The following ASPM variants were observed in gnomAD, a reference collection of about 807,000 sequenced individuals.
ASPM encodes the protein assembly factor for spindle microtubules.
In ASPM, 256 loss-of-function variants were observed where a neutral mutation model predicts 366.4. The ratio of observed to expected loss-of-function variants is 0.70; its 90% CI spans 0.63 to 0.77. ASPM has a LOEUF of 0.77. Among genes scored for constraint, ASPM ranks in the 30% least tolerant of loss-of-function variants. ASPM has a pLI of 0.00. For synonymous variants in ASPM, 1,414 were observed against 1,342.9 expected, an observed-to-expected ratio of 1.05 and a Z score of -1.16; for missense variants, 4,146 against 4,090.4, an observed-to-expected ratio of 1.01 and a Z score of -0.37.
rs761106315 is a variant in ASPM at position 197,103,648 on chromosome 1, C to T, written c.5603G>A (p.Arg1868Lys). ...YRAYKTLHDT[R>K]THFLKTKAAV... ...TGCCTTTGTCTTCAAAAAATGTGTTCTTGTATCATGAAGAGTCTTGTACGC... is the reference window on the plus strand; with the variant it reads ...TGCCTTTGTCTTCAAAAAATGTGTTTTTGTATCATGAAGAGTCTTGTACGC... Residue 1868 changes from arginine (R) to lysine (K), a missense_variant, in exon 18 of 28, where the codon AGA (arginine) becomes AAA (lysine). By Grantham distance (26) the Arg-to-Lys change is conservative (BLOSUM62 2). Around this residue, in one of 3 missense-constraint regions of ASPM, gnomAD observed 3,624 missense variants for 3,591.7 expected, o/e 1.01. Transcript: ENST00000367409. 8.7e-6 allele frequency: 14 copies of T among 1,612,684 alleles called. No individual in the cohort carries two copies. In the East Asian group the frequency reaches 2.5e-4, roughly 28 times the overall value.
rs1049043449 is a variant in ASPM at position 197,084,302 on chromosome 1, A to G, written c.*22T>C. ...GCTTTAATATTTCTTTACACTATAC[A>G]TACTGAAAATGTTTACATTTACTAA... On this transcript the variant is annotated 3_prime_UTR_variant, in exon 28 of 28. Transcript: ENST00000367409. 3.3e-6 allele frequency: 5 copies of G among 1,529,604 alleles called. No homozygotes were observed. The highest frequency in any genetic ancestry group is 2.3e-5 in the East Asian group (1 of 44,324). The allele number at this position is 1,529,604 out of a possible 1,614,324, so 94.8% of individuals were successfully genotyped here.
chr1:197,108,930 C>A (rs964968464), intron 17 of ASPM, among the ~76,000 whole-genome samples: 1 of 145,344 alleles, frequency 6.9e-6, no homozygotes, highest in Non-Finnish European at 1.5e-5. Context: ...GTGTTTGCAC[C>A]ACTGTACTCT....
In ASPM at chr1:197,090,954, G is replaced by C; in HGVS notation, c.9532C>G (p.Leu3178Val). 1.2e-6 allele frequency: 2 copies of C among 1,612,988 alleles called. No individual in the cohort carries two copies. The highest frequency in any genetic ancestry group is 2.2e-5 in the East Asian group (1 of 44,824). The change falls in exon 23 of 28, where the codon CTG (leucine) becomes GTG (valine). Residue 3178 changes from leucine to valine, a missense_variant. This residue lies in a region of ASPM where 3,624 missense variants were observed against 3,591.7 expected (regional missense o/e 1.01). Coordinates refer to ENST00000367409, the MANE Select transcript of ASPM (RefSeq NM_018136.5). ...KKIEHEGQEC[L>V]SQRNRAASVI... is the part of the protein sequence containing the mutation. ...GATGCAGCCCTATTTCGCTGGCTCA[G>C]ACATTCTTGACCTTCATGCTCAATC...
At position 197,142,958 on chromosome 1, in the gene ASPM, T is replaced by G; in HGVS notation, c.1294A>C (p.Ser432Arg). The change falls in exon 3 of 28, where the codon AGT (serine) becomes CGT (arginine). Residue 432 changes from serine (S) to arginine (R), a missense_variant. By Grantham distance (110) the Ser-to-Arg change is moderately radical. Transcript: ENST00000367409. The stretch of plus-strand genomic sequence containing the variant: ...TCAGGAATACGTGGCGAAACTTCAC[T>G]TTTTCTCCAATCTTCAGGAGACTGT... Reference protein sequence around the residue: ...VPQSPEDWRKSEVSPRIPECQ... With the variant: ...VPQSPEDWRKREVSPRIPECQ... 3.7e-6 allele frequency: 6 copies of G among 1,614,002 alleles called. No individual in the cohort carries two copies. Among genetic ancestry groups the G allele is most frequent in the Non-Finnish European group, 5.1e-6 (6 of 1,179,890 alleles).
In ASPM at chr1:197,100,664, C is replaced by A. The variant is rs1374224839; in HGVS notation, c.8587G>T (p.Ala2863Ser). 25 of 1,612,154 alleles carry A rather than the reference C, an allele frequency of 1.6e-5. No homozygotes were observed. The highest frequency in any genetic ancestry group is 2.0e-5 in the Non-Finnish European group (23 of 1,178,980). ...CTAAAATAATGCTGTAAAGTGATAG[C>A]AGCTCTTTTCTGCTGAACAAATCTT... Reference protein sequence around the residue: ...RRRFVQQKRAAITLQHYFRTW... With the variant: ...RRRFVQQKRASITLQHYFRTW... The change falls in exon 18 of 28, where the codon GCT becomes TCT. Residue 2863 changes from alanine to serine, a missense_variant. This residue lies in a region of ASPM where 3,624 missense variants were observed against 3,591.7 expected (regional missense o/e 1.01). Coordinates refer to ENST00000367409, the MANE Select transcript of ASPM (RefSeq NM_018136.5).
At chr1:197,112,669 C>T (rs1323614750) in intron 17 of ASPM, among the ~76,000 whole-genome samples, 2 of 152,128 alleles carry the variant, frequency 1.3e-5, no homozygotes, top group African/African-American at 4.8e-5. Flanking sequence ...CTGTTTGTCT[C>T]TCACCTATCT....
chr1:197,093,156 G>A lies in ASPM; in HGVS notation c.9190C>T (p.Arg3064Ter), dbSNP rs199422185. Residue 3064 changes from arginine to a stop codon, truncating the protein, a stop_gained, in exon 21 of 28, where the codon CGA becomes TGA. Coordinates refer to ENST00000367409, the MANE Select transcript of ASPM (RefSeq NM_018136.5). LOFTEE classifies it high-confidence loss of function. Reference protein sequence around the residue: ...SAALIIQKYIRAREAGKHERI... With the variant: ...SAALIIQKYI ...TCATGCTTTCCAGCCTCCCTGGCTC[G>A]TATATATTTTTGTATGATCAAAGCA... 2.2e-5 allele frequency: 35 copies of A among 1,611,948 alleles called. No homozygotes were observed. The highest frequency in any genetic ancestry group is 2.7e-5 in the Non-Finnish European group (32 of 1,178,646).
At chr1:197,087,818 C>T (rs191411994) in intron 26 of ASPM, among the ~76,000 whole-genome samples, 38 of 152,260 alleles carry the variant, frequency 2.5e-4, no homozygotes, top group Admixed American at 1.1e-3. Flanking sequence ...TACCCTGCAG[C>T]GGTTCCCACT....
At chr1:197,094,207 G>A in intron 19 of ASPM, 27 bp from the exon 20 acceptor site, 2 of 1,391,268 alleles carry the variant, frequency 1.4e-6, no homozygotes, top group Non-Finnish European at 2.0e-6. Flanking sequence ...GGAAAGCAAT[G>A]TCAAATTACT....
intron 1 of ASPM, 84 bp from the exon 2 acceptor site, chr1:197,144,184 A>C (rs1658696689): frequency 1.0e-6 from 1 of 969,234 alleles, no homozygotes; most frequent in South Asian, 1.4e-5. Context: ...ACAATATAGT[A>C]GGGCTTAATA....
At chr1:197,109,525 A>G (rs1253329515) in intron 17 of ASPM, among the ~76,000 whole-genome samples, 2 of 152,114 alleles carry the variant, frequency 1.3e-5, no homozygotes, top group African/African-American at 4.8e-5. Flanking sequence ...AGAAAACTAC[A>G]GTTTATATAA....
chr1:197,122,221 G>A lies in ASPM; in HGVS notation c.3679C>T (p.Leu1227Phe), dbSNP rs1247102988. ...TTAATCATAGCAGGTATTCCACCAA[G>A]GTCTCTAACTGCAGACCTAACCAAG... ...FHLVRSAVRD[L>F]GGIPAMINHS... Residue 1227 changes from leucine (L) to phenylalanine (F), a missense_variant, in exon 15 of 28, where the codon CTT becomes TTT. Physicochemically the swap from Leu to Phe is conservative, Grantham distance 22. Around this residue, in one of 3 missense-constraint regions of ASPM, gnomAD observed 3,624 missense variants for 3,591.7 expected, o/e 1.01. Transcript: ENST00000367409. 1 of 1,612,674 alleles carries A rather than the reference G, an allele frequency of 6.2e-7. No homozygotes were observed. The highest frequency in any genetic ancestry group is 8.5e-7 in the Non-Finnish European group (1 of 1,178,950).
intron 20 of ASPM, 72 bp from the exon 21 acceptor site, chr1:197,093,333 G>T: frequency 8.2e-7 from 1 of 1,215,616 alleles, no homozygotes; most frequent in Non-Finnish European, 1.2e-6. Flanking sequence ...AGAAGTTCTT[G>T]AATTTCTCAA....
chr1:197,102,828 T>C lies in ASPM; in HGVS notation c.6423A>G (p.Lys2141=). The C allele has an allele frequency of 2.5e-6, 4 of 1,612,508 alleles. No individual in the cohort carries two copies. Among genetic ancestry groups the C allele is most frequent in the Non-Finnish European group, 3.4e-6 (4 of 1,179,252 alleles). The stretch of plus-strand genomic sequence containing the variant: ...ATCTTACTTGAATAACAATAGCTGC[T>C]TTTCTCATTGTATGGTAACTTATTC... ...QSRISYHTMR[K]AAIVIQVRCR... The change falls in exon 18 of 28, where the codon AAA becomes AAG. Residue 2141 remains lysine, a synonymous_variant. Coordinates refer to ENST00000367409, the MANE Select transcript of ASPM (RefSeq NM_018136.5).
chr1:197,084,431 TAAAA>T lies in ASPM; in HGVS notation c.10332-9_10332-6del, dbSNP rs200839523. The stretch of plus-strand genomic sequence containing the variant: ...AAAACCCAATCTGGCTTAAGTCTGT[TAAAA>T]AAAAAAAAAAAGTCTGGCATTAATA... On this transcript the variant is annotated splice_polypyrimidine_tract_variant and splice_region_variant and intron_variant, in intron 27 of 27. Coordinates refer to ENST00000367409, the MANE Select transcript of ASPM (RefSeq NM_018136.5). 6 of 1,410,138 alleles carry T rather than the reference TAAAA, an allele frequency of 4.3e-6. No individual in the cohort carries two copies. Among genetic ancestry groups the T allele is most frequent in the Admixed American group, 1.8e-5 (1 of 55,148 alleles). The allele number at this position is 1,410,138 out of a possible 1,614,324, so 87.4% of individuals were successfully genotyped here.
At chr1:197,105,219 A>G (rs1657374415) in intron 17 of ASPM, 34 bp from the exon 18 acceptor site, 1 of 1,497,294 alleles carries the variant, frequency 6.7e-7, no homozygotes, top group African/African-American at 1.4e-5. Context: ...AAAGTAAAAT[A>G]GGCATAGCTT....
intron 16 of ASPM, among the ~76,000 whole-genome samples, chr1:197,121,204 G>A (rs1246474163): frequency 6.6e-6 from 1 of 151,956 alleles, no homozygotes. Context: ...CAAAAAGAGT[G>A]AAATAGTTTG....
chr1:197,109,326 TA>T (rs1234502474), intron 17 of ASPM, among the ~76,000 whole-genome samples: 1 of 152,058 alleles, frequency 6.6e-6, no homozygotes, highest in Non-Finnish European at 1.5e-5. Context: ...TCAATGCATA[TA>T]AAAAATACAT....
intron 4 of ASPM, among the ~76,000 whole-genome samples, chr1:197,138,523 C>A (rs914605804): frequency 6.6e-6 from 1 of 152,304 alleles, no homozygotes. Flanking sequence ...GTCTTGAACT[C>A]CTGACCTCAG....
Sources: gnomAD v4.1 joint callset for allele counts (sites outside exome capture counted in the v4.1 genomes callset) on GRCh38, gnomAD v4.1.1 for gene constraint, gnomAD v4.1.1 regional missense constraint, MANE v1.5 for transcripts, NCBI Gene and HGNC (gene_info 2026-07-23, HGNC 2026-07-21) for gene names.